Variants in KCNK17 observed in about 807,000 individuals in gnomAD.
KCNK17 encodes the protein potassium two pore domain channel subfamily K member 17.
In KCNK17, 27 loss-of-function variants were observed where a neutral mutation model predicts 24.6. That is an observed-to-expected ratio of 1.10 (90% CI 0.81 to 1.51). The LOEUF is 1.51. Among genes scored for constraint, KCNK17 ranks in the 40% most tolerant of loss-of-function variants. The probability of loss-of-function intolerance (pLI) is 0.00; values close to 1 mark genes in which losing one functional copy is unlikely to be tolerated. For missense variants in KCNK17, 450 were observed against 436.6 expected (o/e 1.03, Z -0.27); for synonymous variants, 181 against 189.8 (o/e 0.95, Z 0.38).
intron 2 of KCNK17, among the ~76,000 whole-genome samples, chr6:39,306,189 A>G (rs1327248884): frequency 6.6e-6 from 1 of 152,042 alleles, no homozygotes; most frequent in African/African-American, 2.4e-5. Context: ...GATTACAGGC[A>G]TGTGCCACCA....
intron 4 of KCNK17, chr6:39,300,481 C>T: frequency 6.4e-7 from 1 of 1,551,004 alleles, no homozygotes; most frequent in Non-Finnish European, 8.7e-7. Context: ...TAGTGTTTGC[C>T]AGTCTCTGTT....
chr6:39,301,947 C>T (rs1437090163), intron 4 of KCNK17, among the ~76,000 whole-genome samples: 1 of 152,250 alleles, frequency 6.6e-6, no homozygotes, highest in East Asian at 1.9e-4. Flanking sequence ...ATGGAAGACT[C>T]TGAAACATGG....
rs751817062 is a variant in KCNK17 at position 39,304,012 on chromosome 6, G to T, written c.633C>A (p.Gly211=). ...SHMEGWSYTE[G]FYFAFITLST... ...TGAGGGTGATGAAGGCGAAGTAGAAGCCCTCTGTGTAGCTCCAGCCCTCCA... is the reference window on the plus strand; with the variant it reads ...TGAGGGTGATGAAGGCGAAGTAGAATCCCTCTGTGTAGCTCCAGCCCTCCA... Residue 211 remains glycine (G), a synonymous_variant, in exon 4 of 5, where the codon GGC becomes GGA. Transcript: ENST00000373231. 1 of 1,613,902 alleles carries T rather than the reference G, an allele frequency of 6.2e-7. No homozygotes were observed. The highest frequency in any genetic ancestry group is 1.6e-4 in the Middle Eastern group (1 of 6,062).
chr6:39,307,230 G>A (rs1409784457), intron 2 of KCNK17, among the ~76,000 whole-genome samples: 2 of 152,168 alleles, frequency 1.3e-5, no homozygotes, highest in Non-Finnish European at 2.9e-5. Context: ...GGGAATGTGA[G>A]CTTGCAAGCA....
chr6:39,310,866 ATCCCCCTG>A lies in KCNK17; in HGVS notation c.352+19_352+26del. On this transcript the variant is annotated intron_variant, in intron 2 of 4. Transcript: ENST00000373231. Reference sequence around the variant, plus strand: ...GGAGCTGCCTCCTTCCCCCACCCCCATCCCCCTGGCCCCATCTGGCCCTTACCAATGGT... The same window carrying A: ...GGAGCTGCCTCCTTCCCCCACCCCCAGCCCCATCTGGCCCTTACCAATGGT... 1.3e-6 allele frequency: 1 copy of A among 756,840 alleles called. No individual in the cohort carries two copies. The highest frequency in any genetic ancestry group is 2.2e-6 in the Non-Finnish European group (1 of 458,652). The allele number at this position is 756,840 out of a possible 1,614,324, so 46.9% of individuals were successfully genotyped here.
At chr6:39,300,518 AGCTTGCTG>A in intron 4 of KCNK17, 2 of 1,551,224 alleles carry the variant, frequency 1.3e-6, no homozygotes. Flanking sequence ...GAAATGAGGC[AGCTTGCTG>A]GAGCCAGGGG....
chr6:39,308,276 G>A (rs1170675009), intron 2 of KCNK17, among the ~76,000 whole-genome samples: 1 of 152,148 alleles, frequency 6.6e-6, no homozygotes, highest in Non-Finnish European at 1.5e-5. Flanking sequence ...ACACACCAAG[G>A]TATGTATGTG....
At position 39,299,356 on chromosome 6, in the gene KCNK17, G is replaced by A; in HGVS notation, c.*71C>T. ...GGATGGAAAATGTAGTCTTTAGTTT[G>A]GGTGGACATGTGCAAAGCTTAAAAT... On this transcript the variant is annotated 3_prime_UTR_variant, in exon 5 of 5. Coordinates refer to ENST00000373231, the MANE Select transcript of KCNK17 (RefSeq NM_031460.4). 2 of 1,181,440 alleles carry A rather than the reference G, an allele frequency of 1.7e-6. No homozygotes were observed. Among genetic ancestry groups the A allele is most frequent in the Non-Finnish European group, 2.4e-6 (2 of 828,392 alleles). The allele number at this position is 1,181,440 out of a possible 1,614,324, so 73.2% of individuals were successfully genotyped here. A position where few individuals can be genotyped will look rare whatever the true frequency, so the allele number is the denominator to read the frequency against.
chr6:39,311,463 T>C (rs1174649115), intron 1 of KCNK17, among the ~76,000 whole-genome samples: 2 of 152,136 alleles, frequency 1.3e-5, no homozygotes, highest in African/African-American at 2.4e-5. Flanking sequence ...CAATGTCACT[T>C]TGGGCATTAA....
chr6:39,305,936 C>T (rs898923070), intron 2 of KCNK17, among the ~76,000 whole-genome samples: 6 of 152,178 alleles, frequency 3.9e-5, no homozygotes, highest in Non-Finnish European at 2.9e-5. Context: ...CATCCAGGGC[C>T]CCCTCCAGCA....
At chr6:39,299,859 C>T (rs1182277281) in intron 4 of KCNK17, 122 bp from the exon 5 acceptor site, 5 of 997,078 alleles carry the variant, frequency 5.0e-6, no homozygotes, top group East Asian at 2.5e-5. Context: ...TGGGACAGAA[C>T]ATGGAGACTC....
intron 2 of KCNK17, among the ~76,000 whole-genome samples, chr6:39,310,681 C>A (rs1288201510): frequency 1.3e-5 from 2 of 152,108 alleles, no homozygotes; most frequent in African/African-American, 4.8e-5. Flanking sequence ...CACATGAATC[C>A]CCTGGGGACC....
Position 39,299,103 on chromosome 6 carries a change from C to T in KCNK17, c.*324G>A, listed in dbSNP as rs552097748. The T allele has an allele frequency of 5.2e-4, 173 of 334,710 alleles. No homozygotes were observed. Among genetic ancestry groups the T allele is most frequent in the Non-Finnish European group, 8.7e-4 (159 of 182,352 alleles). 20.7% of individuals were successfully genotyped at this position (334,710 alleles called of 1,614,324 possible). A position where few individuals can be genotyped will look rare whatever the true frequency, so the allele number is the denominator to read the frequency against. Reference sequence around the variant, plus strand: ...GTGATCATCAGAGATCCAGACTCTTCCTATCTTATTGTGCCGCTCAAACAT... The same window carrying T: ...GTGATCATCAGAGATCCAGACTCTTTCTATCTTATTGTGCCGCTCAAACAT... On this transcript the variant is annotated 3_prime_UTR_variant, in exon 5 of 5. Transcript: ENST00000373231.
rs535374088 is a variant in KCNK17, at chr6:39,313,785, TC to T, written c.237+298del. Among the ~76,000 whole-genome samples, 450 of 152,002 alleles carry T rather than the reference TC, an allele frequency of 3.0e-3. 2 individuals are homozygous for T. Among genetic ancestry groups the T allele is most frequent in the African/African-American group, 0.01 (425 of 41,460 alleles). On this transcript the variant is annotated intron_variant, in intron 1 of 4. Coordinates refer to ENST00000373231, the MANE Select transcript of KCNK17 (RefSeq NM_031460.4). ...GTCCTCGCCCCCAAATTTGGATGTGTCCCCAGGCATCTGCCTCCTCACCGGG... is the reference window on the plus strand; with the variant it reads ...GTCCTCGCCCCCAAATTTGGATGTGTCCCAGGCATCTGCCTCCTCACCGGG...
At position 39,299,503 on chromosome 6, in the gene KCNK17, T is replaced by G; in HGVS notation, c.923A>C (p.Tyr308Ser). The change falls in exon 5 of 5, where the codon TAT (tyrosine) becomes TCT (serine). Residue 308 changes from tyrosine (Y) to serine (S), a missense_variant. Tyr to Ser is a moderately radical substitution (Grantham distance 144). Coordinates refer to ENST00000373231, the MANE Select transcript of KCNK17 (RefSeq NM_031460.4). ...PESHSPQQGC[Y>S]PEGPMGIIQH... is the part of the protein sequence containing the mutation. ...TATGATTCCCATGGGTCCCTCTGGA[T>G]AGCATCCTTGCTGTGGGGAGTGGGA... is the stretch of plus-strand genomic sequence containing the variant. The G allele has an allele frequency of 6.2e-7, 1 of 1,614,214 alleles. No individual in the cohort carries two copies. The highest frequency in any genetic ancestry group is 1.1e-5 in the South Asian group (1 of 91,084).
At chr6:39,307,581 A>G (rs1318156004) in intron 2 of KCNK17, among the ~76,000 whole-genome samples, 1 of 152,046 alleles carries the variant, frequency 6.6e-6, no homozygotes, top group African/African-American at 2.4e-5. Context: ...CTCTGAGAGG[A>G]GCCCCATGGA....
intron 2 of KCNK17, among the ~76,000 whole-genome samples, chr6:39,306,042 G>GGA (rs748314170): frequency 1.4e-5 from 2 of 148,004 alleles, no homozygotes; most frequent in Non-Finnish European, 3.0e-5. Flanking sequence ...GCAGGGACTG[G>GGA]GTCTTTTTTT....
intron 4 of KCNK17, chr6:39,300,311 C>A (rs933410834): frequency 1.5e-6 from 1 of 667,304 alleles, no homozygotes; most frequent in Non-Finnish European, 2.7e-6. Context: ...TTAGTAGAGA[C>A]GGGGTTTCAC....
chr6:39,299,219 G>T lies in KCNK17; in HGVS notation c.*208C>A. 1.8e-6 allele frequency: 1 copy of T among 562,102 alleles called. No individual in the cohort carries two copies. The highest frequency in any genetic ancestry group is 3.1e-6 in the Non-Finnish European group (1 of 317,580). The allele number at this position is 562,102 out of a possible 1,614,324, so 34.8% of individuals were successfully genotyped here. On this transcript the variant is annotated 3_prime_UTR_variant, in exon 5 of 5. Coordinates refer to ENST00000373231, the MANE Select transcript of KCNK17 (RefSeq NM_031460.4). The stretch of plus-strand genomic sequence containing the variant: ...CCCGCTAAAGTAAGGAAGTGGGGGA[G>T]AAGGGCATGCTGCCCCGACACCCGA...
Sources: allele counts gnomAD v4.1 joint callset (sites outside exome capture counted in the v4.1 genomes callset), GRCh38; gene constraint gnomAD v4.1.1; transcripts MANE v1.5; gene names NCBI Gene and HGNC (gene_info 2026-07-23, HGNC 2026-07-21).